CA12: variants seen among roughly 807,000 people sequenced by gnomAD.
CA12 encodes the protein carbonate dehydratase XII.
In CA12, 36 loss-of-function variants were observed where a neutral mutation model predicts 46.8. The observed-to-expected ratio is 0.77, with a 90% CI of 0.59 to 1.02. The LOEUF (loss-of-function observed/expected upper bound fraction) is 1.02, where lower values mean the gene tolerates loss of function less well. CA12 is among the 50% of genes least tolerant of loss of function. The pLI is 0.00. For synonymous variants in CA12, 202 were observed against 187.0 expected (o/e 1.08, Z -0.65); for missense variants, 436 against 451.4 (o/e 0.97, Z 0.31).
intron 2 of CA12, chr15:63,375,320 G>A: frequency 4.2e-6 from 1 of 235,804 alleles, no homozygotes; most frequent in Non-Finnish European, 8.2e-6. Context: ...AGGGAGAAAG[G>A]CTCTCTCCTG....
In CA12 at chr15:63,328,424, C is replaced by T. The variant is rs2038896347; in HGVS notation, c.875-294G>A. Among the ~76,000 whole-genome samples the T allele has an allele frequency of 2.6e-5, 4 of 151,736 alleles. No homozygotes were observed. The highest frequency in any genetic ancestry group is 2.6e-4 in the Admixed American group (4 of 15,234). On this transcript the variant is annotated intron_variant, in intron 8 of 10. Coordinates refer to ENST00000178638, the MANE Select transcript of CA12 (RefSeq NM_001218.5). The surrounding 1 kb of genome is among the most constrained non-coding windows in gnomAD (Gnocchi z 5.9). ...CGATCTTGGCTCACTTCAACCTCCG[C>T]CTCCTGGGTTCAAGCAATTCTCTGC...
chr15:63,339,032 C>A lies in CA12; in HGVS notation c.748-87G>T. The A allele has an allele frequency of 1.3e-6, 2 of 1,543,944 alleles. No individual in the cohort carries two copies. The highest frequency in any genetic ancestry group is 1.2e-5 in the South Asian group (1 of 86,636). ...AGAGGCTAGCTCTCCGCTCTTGCAC[C>A]TGGGAGAAGCCTCTGGAACCAGCTT... On this transcript the variant is annotated intron_variant, in intron 7 of 10. Transcript: ENST00000178638. This position sits in a 1 kb window ranked among gnomAD's most constrained non-coding sequence, Gnocchi z 4.3.
chr15:63,337,707 G>A (rs996850352), intron 8 of CA12, among the ~76,000 whole-genome samples: 2 of 151,514 alleles, frequency 1.3e-5, no homozygotes, highest in Non-Finnish European at 3.0e-5. Flanking sequence ...CACCCACCTC[G>A]GCCTCCCAAA....
Position 63,373,512 on chromosome 15 carries a change from G to A in CA12, c.106+2146C>T, listed in dbSNP as rs2039532623. 6.6e-6 allele frequency among the ~76,000 whole-genome samples: 1 copy of A among 152,222 alleles called. No individual in the cohort carries two copies. Among genetic ancestry groups the A allele is most frequent in the Admixed American group, 6.5e-5 (1 of 15,288 alleles). On this transcript the variant is annotated intron_variant, in intron 2 of 10. Transcript: ENST00000178638. The surrounding 1 kb of genome is among the most constrained non-coding windows in gnomAD (Gnocchi z 4.9). ...TGTTTCTATCATACCTGAGAGGCCA[G>A]CAGAAGAGGTGGGGCAAGCTTCCTC... is the stretch of plus-strand genomic sequence containing the variant.
At chr15:63,351,214 AG>A (rs1431861240) in intron 2 of CA12, among the ~76,000 whole-genome samples, 1 of 152,226 alleles carries the variant, frequency 6.6e-6, no homozygotes, top group Admixed American at 6.5e-5. Flanking sequence ...AACATCTCAG[AG>A]CCAGCTTGGT....
At position 63,351,539 on chromosome 15, in the gene CA12, C is replaced by T. The variant is rs1230479889; in HGVS notation, c.107-4830G>A. On this transcript the variant is annotated intron_variant, in intron 2 of 10. Transcript: ENST00000178638. The stretch of plus-strand genomic sequence containing the variant: ...TCAAAGTCTTCAAAGGCCCCCACAT[C>T]CCGCCCCAGCCTGCCCCATGCTTCA... Among the ~76,000 whole-genome samples, 8 of 152,300 alleles carry T rather than the reference C, an allele frequency of 5.3e-5. No homozygotes were observed. The South Asian group carries it at 8.3e-4, about 16-fold the overall frequency.
rs962160557 is a variant in CA12, at chr15:63,329,811, G to A, written c.875-1681C>T. On this transcript the variant is annotated intron_variant, in intron 8 of 10. Coordinates refer to ENST00000178638, the MANE Select transcript of CA12 (RefSeq NM_001218.5). The surrounding 1 kb of genome is among the most constrained non-coding windows in gnomAD (Gnocchi z 4.8). ...GGGGAACCAGATCTGAGGCTGCAGGGTGAGGTTTTGCTCACTGCCCCTTCT... is the reference window on the plus strand; with the variant it reads ...GGGGAACCAGATCTGAGGCTGCAGGATGAGGTTTTGCTCACTGCCCCTTCT... 2.0e-5 allele frequency among the ~76,000 whole-genome samples: 3 copies of A among 152,194 alleles called. No homozygotes were observed. The highest frequency in any genetic ancestry group is 4.8e-5 in the African/African-American group (2 of 41,446).
chr15:63,323,322 G>A lies in CA12; in HGVS notation c.*2963C>T, dbSNP rs1340625126. 1 of 152,104 alleles carries A rather than the reference G, an allele frequency of 6.6e-6. No individual in the cohort carries two copies. The highest frequency in any genetic ancestry group is 2.1e-4 in the South Asian group (1 of 4,818). The allele number at this position is 152,104 out of a possible 1,614,324, so 9.4% of individuals were successfully genotyped here. On this transcript the variant is annotated 3_prime_UTR_variant, in exon 11 of 11. Transcript: ENST00000178638. The surrounding 1 kb of genome is among the most constrained non-coding windows in gnomAD (Gnocchi z 5.1). ...TCCCAGCACCATTAAGCAGCTTCGC[G>A]ACCTGCAGCCACACATGCCATAGGC...
rs1355816587 is a variant in CA12, at chr15:63,329,801, AG to A, written c.875-1672del. ...TTAACAGCCTGGGGAACCAGATCTG[AG>A]GCTGCAGGGTGAGGTTTTGCTCACT... On this transcript the variant is annotated intron_variant, in intron 8 of 10. Transcript: ENST00000178638. This position sits in a 1 kb window ranked among gnomAD's most constrained non-coding sequence, Gnocchi z 4.8. Among the ~76,000 whole-genome samples the A allele has an allele frequency of 2.0e-5, 3 of 152,180 alleles. No homozygotes were observed. The highest frequency in any genetic ancestry group is 4.4e-5 in the Non-Finnish European group (3 of 68,016).
Position 63,345,771 on chromosome 15 carries a change from C to T in CA12, c.287-152G>A, listed in dbSNP as rs2039139711. ...TGGAGTGAGGTGCGGAGCAGAGATG[C>T]AGCCTAAAGGTCAGACACCTGGGCT... On this transcript the variant is annotated intron_variant, in intron 3 of 10. Coordinates refer to ENST00000178638, the MANE Select transcript of CA12 (RefSeq NM_001218.5). The surrounding 1 kb of genome is among the most constrained non-coding windows in gnomAD (Gnocchi z 4.3). 1.9e-6 allele frequency: 2 copies of T among 1,046,194 alleles called. No homozygotes were observed. The highest frequency in any genetic ancestry group is 2.8e-6 in the Non-Finnish European group (2 of 705,550). 64.8% of individuals were successfully genotyped at this position (1,046,194 alleles called of 1,614,324 possible). A position where few individuals can be genotyped will look rare whatever the true frequency, so the allele number is the denominator to read the frequency against.
intron 2 of CA12, among the ~76,000 whole-genome samples, chr15:63,363,949 A>T (rs1265970132): frequency 2.0e-5 from 3 of 152,014 alleles, no homozygotes; most frequent in Non-Finnish European, 4.4e-5. Context: ...GCACTTTGGG[A>T]GGCCGAGGAG....
In CA12 at chr15:63,338,833, G is replaced by T; in HGVS notation, c.860C>A (p.Thr287Asn). 1.9e-6 allele frequency: 3 copies of T among 1,614,156 alleles called. No individual in the cohort carries two copies. The highest frequency in any genetic ancestry group is 2.5e-6 in the Non-Finnish European group (3 of 1,180,026). ...CCTCTCCTCACCTTGGGAGAAGGAG[G>T]TGTATACCAGCCTCTCATCGAACTT... ...VQKFDERLVY[T>N]SFSQVQVCTA... The change falls in exon 8 of 11, where the codon ACC (threonine) becomes AAC (asparagine). Residue 287 changes from threonine to asparagine, a missense_variant. Transcript: ENST00000178638.
chr15:63,381,123 A>G (rs1226533700), intron 1 of CA12, among the ~76,000 whole-genome samples: 1 of 152,084 alleles, frequency 6.6e-6, no homozygotes, highest in Non-Finnish European at 1.5e-5. Flanking sequence ...CTGGAGAAAA[A>G]CAATGATTAA....
Position 63,341,828 on chromosome 15 carries a change from G to A in CA12, c.525+174C>T, listed in dbSNP as rs546394747. On this transcript the variant is annotated intron_variant, in intron 5 of 10. Coordinates refer to ENST00000178638, the MANE Select transcript of CA12 (RefSeq NM_001218.5). This position sits in a 1 kb window ranked among gnomAD's most constrained non-coding sequence, Gnocchi z 5.2. ...CTGCTGCCCAGGCACAGAAAGTGCT[G>A]CCTCCAGGCCAAGAGAGAAGGTGCA... Among the ~76,000 whole-genome samples, 1 of 152,298 alleles carries A rather than the reference G, an allele frequency of 6.6e-6. No homozygotes were observed. Among genetic ancestry groups the A allele is most frequent in the African/African-American group, 2.4e-5 (1 of 41,560 alleles).
At chr15:63,364,292 C>T (rs1204356958) in intron 2 of CA12, among the ~76,000 whole-genome samples, 5 of 120,914 alleles carry the variant, frequency 4.1e-5, no homozygotes, top group African/African-American at 6.0e-5. Flanking sequence ...GTTTGAGACC[C>T]ACCTGGGCAA....
intron 4 of CA12, among the ~76,000 whole-genome samples, chr15:63,343,135 C>T (rs1377405806): frequency 1.3e-5 from 2 of 152,130 alleles, no homozygotes; most frequent in South Asian, 2.1e-4. Flanking sequence ...ATTAAAACCC[C>T]TGAGGTCCTA....
rs959107471 is a variant in CA12, at chr15:63,340,684, C to T, written c.589+36G>A. 6.3e-7 allele frequency: 1 copy of T among 1,599,888 alleles called. No individual in the cohort carries two copies. Among genetic ancestry groups the T allele is most frequent in the Non-Finnish European group, 8.6e-7 (1 of 1,167,020 alleles). ...ACACAGGGCTGACTACCTCCTTCTC[C>T]AGCAGAGAGTGAATATGCATGCAAG... On this transcript the variant is annotated intron_variant, in intron 6 of 10. Coordinates refer to ENST00000178638, the MANE Select transcript of CA12 (RefSeq NM_001218.5). The surrounding 1 kb of genome is among the most constrained non-coding windows in gnomAD (Gnocchi z 4.4).
Position 63,339,037 on chromosome 15 carries a change from A to G in CA12, c.748-92T>C. On this transcript the variant is annotated intron_variant, in intron 7 of 10. Coordinates refer to ENST00000178638, the MANE Select transcript of CA12 (RefSeq NM_001218.5). This position sits in a 1 kb window ranked among gnomAD's most constrained non-coding sequence, Gnocchi z 4.3. Reference sequence around the variant, plus strand: ...CTAGCTCTCCGCTCTTGCACCTGGGAGAAGCCTCTGGAACCAGCTTCTGTG... The same window carrying G: ...CTAGCTCTCCGCTCTTGCACCTGGGGGAAGCCTCTGGAACCAGCTTCTGTG... 1 of 1,532,536 alleles carries G rather than the reference A, an allele frequency of 6.5e-7. No individual in the cohort carries two copies. The highest frequency in any genetic ancestry group is 1.8e-4 in the Middle Eastern group (1 of 5,426). The allele number at this position is 1,532,536 out of a possible 1,614,324, so 94.9% of individuals were successfully genotyped here.
In CA12 at chr15:63,340,853, A is replaced by T; in HGVS notation, c.526-70T>A. On this transcript the variant is annotated intron_variant, in intron 5 of 10. Transcript: ENST00000178638. The surrounding 1 kb of genome is among the most constrained non-coding windows in gnomAD (Gnocchi z 4.4). ...GGCTGAGCCAGGATTGACGATTGCT[A>T]TCAGAAGGGCAAAGCTGTGGGTATG... 7.3e-7 allele frequency: 1 copy of T among 1,364,338 alleles called. No individual in the cohort carries two copies. The highest frequency in any genetic ancestry group is 1.2e-5 in the South Asian group (1 of 85,324). The allele number at this position is 1,364,338 out of a possible 1,614,324, so 84.5% of individuals were successfully genotyped here. A position where few individuals can be genotyped will look rare whatever the true frequency, so the allele number is the denominator to read the frequency against.
Sources: allele counts gnomAD v4.1 joint callset (sites outside exome capture counted in the v4.1 genomes callset), GRCh38; gene constraint gnomAD v4.1.1; non-coding constraint Gnocchi (gnomAD v3.1); transcripts MANE v1.5; gene names NCBI Gene and HGNC (gene_info 2026-07-23, HGNC 2026-07-21).